The following GLDC variants were observed in gnomAD, a reference collection of about 807,000 sequenced individuals.
GLDC encodes glycine decarboxylase.
In GLDC, 104 loss-of-function variants were observed where a neutral mutation model predicts 121.3. That is an observed-to-expected ratio of 0.86 (90% CI 0.73 to 1.01). The LOEUF is 1.01. Among genes scored for constraint, GLDC ranks in the 50% least tolerant of loss-of-function variants. GLDC has a pLI of 0.00. For missense variants in GLDC, 1,429 were observed against 1,306.6 expected, an observed-to-expected ratio of 1.09 and a Z score of -1.44; for synonymous variants, 546 against 480.6, an observed-to-expected ratio of 1.14 and a Z score of -1.78.
At chr9:6,639,127 A>G in intron 2 of GLDC, 3 of 736,638 alleles carry the variant, frequency 4.1e-6, no homozygotes, top group Non-Finnish European at 7.3e-6. Context: ...ACAAAAACAG[A>G]GCTTTTTCAC....
At position 6,622,157 on chromosome 9, in the gene GLDC, C is replaced by A. The variant is rs555130682; in HGVS notation, c.335-1838G>T. ...ACTTTCACCCTCCACCACACACACA[C>A]AGACACACACACACACACACACACA... On this transcript the variant is annotated intron_variant, in intron 2 of 24. Transcript: ENST00000321612. Among the ~76,000 whole-genome samples, 297 of 112,752 alleles carry A rather than the reference C, an allele frequency of 2.6e-3. 2 individuals are homozygous for A. The highest frequency in any genetic ancestry group is 4.0e-3 in the Non-Finnish European group (228 of 57,662). The allele number at this position is 112,752 out of a possible 152,430, so 74.0% of individuals were successfully genotyped here. A position where few individuals can be genotyped will look rare whatever the true frequency, so the allele number is the denominator to read the frequency against.
At chr9:6,601,332 A>C (rs977237153) in intron 8 of GLDC, among the ~76,000 whole-genome samples, 11 of 152,166 alleles carry the variant, frequency 7.2e-5, no homozygotes, top group Admixed American at 2.0e-4. Flanking sequence ...GGGTGTCTCA[A>C]CTGCCACCCA....
intron 3 of GLDC, among the ~76,000 whole-genome samples, chr9:6,618,013 T>C (rs1188657578): frequency 2.0e-5 from 3 of 152,204 alleles, no homozygotes; most frequent in Non-Finnish European, 4.4e-5. Flanking sequence ...CCACTTACTC[T>C]GTCCTCATGT....
intron 12 of GLDC, 138 bp downstream of exon 12, chr9:6,589,057 T>A (rs1818324508): frequency 1.4e-6 from 1 of 735,930 alleles, no homozygotes; most frequent in East Asian, 2.5e-5. Flanking sequence ...GGGATCGTTA[T>A]GAGGATGAAA....
chr9:6,553,798 C>A (rs1817562981), intron 19 of GLDC, among the ~76,000 whole-genome samples: 1 of 152,030 alleles, frequency 6.6e-6, no homozygotes, highest in African/African-American at 2.4e-5. Flanking sequence ...TCCCTCCCTC[C>A]CACTCCCAGC....
At chr9:6,533,198 C>T (rs751501264) in intron 24 of GLDC, 38 bp from the exon 25 acceptor site, 45 of 1,605,860 alleles carry the variant, frequency 2.8e-5, no homozygotes, top group Middle Eastern at 1.6e-4. Flanking sequence ...GTGAGATGTT[C>T]TGGGAGGTTT....
rs532412479 is a variant in GLDC at position 6,608,965 on chromosome 9, G to A, written c.635+1227C>T. 8.5e-5 allele frequency among the ~76,000 whole-genome samples: 13 copies of A among 152,192 alleles called. No homozygotes were observed. In the East Asian group the frequency reaches 2.5e-3, roughly 29 times the overall value. ...CAGGAATCAGAAAGGCCTATGGCTGGAATGCACCAGAGGCCTCTAAACTTG... is the reference window on the plus strand; with the variant it reads ...CAGGAATCAGAAAGGCCTATGGCTGAAATGCACCAGAGGCCTCTAAACTTG... On this transcript the variant is annotated intron_variant, in intron 4 of 24. Transcript: ENST00000321612.
intron 10 of GLDC, 35 bp from the exon 11 acceptor site, chr9:6,592,258 T>A (rs369609632): frequency 7.8e-7 from 1 of 1,274,050 alleles, no homozygotes; most frequent in African/African-American, 1.5e-5. Context: ...AAACATCAAC[T>A]CTAAACTCCA....
rs184432340 is a variant in GLDC at position 6,575,753 on chromosome 9, G to T, written c.1851-10324C>A. Reference sequence around the variant, plus strand: ...TTCACTTTACATATCCATGGGAGGTGTTAATTACTCTTTCTGTCTGCCTTA... The same window carrying T: ...TTCACTTTACATATCCATGGGAGGTTTTAATTACTCTTTCTGTCTGCCTTA... On this transcript the variant is annotated intron_variant, in intron 15 of 24. Transcript: ENST00000321612. Among the ~76,000 whole-genome samples the T allele has an allele frequency of 7.8e-3, 1,187 of 152,300 alleles. 7 individuals carry two copies. The highest frequency in any genetic ancestry group is 0.012 in the Non-Finnish European group (819 of 68,024).
In GLDC at chr9:6,604,696, G is replaced by A; in HGVS notation, c.950C>T (p.Ser317Phe). The change falls in exon 7 of 25, where the codon TCC becomes TTC. Residue 317 changes from serine (S) to phenylalanine (F), a missense_variant. Ser to Phe is a radical substitution (Grantham distance 155). Coordinates refer to ENST00000321612, the MANE Select transcript of GLDC (RefSeq NM_000170.3). ...GCCCAGTGGCACTCCAAATCTCTGG[G>A]AGCTGCCCAGGGCGATGTCTACCCC... is the stretch of plus-strand genomic sequence containing the variant. Reference protein sequence around the residue: ...EFGVDIALGSSQRFGVPLGYG... With the variant: ...EFGVDIALGSFQRFGVPLGYG... 6.2e-7 allele frequency: 1 copy of A among 1,614,148 alleles called. No homozygotes were observed. Among genetic ancestry groups the A allele is most frequent in the Non-Finnish European group, 8.5e-7 (1 of 1,179,998 alleles).
At chr9:6,618,151 C>A (rs559459700) in intron 3 of GLDC, among the ~76,000 whole-genome samples, 1 of 152,278 alleles carries the variant, frequency 6.6e-6, no homozygotes, top group Admixed American at 6.5e-5. Flanking sequence ...AAAGTGGACA[C>A]CTATATTTTC....
In GLDC at chr9:6,619,146, C is replaced by CAAAAAA. The variant is rs1162280442; in HGVS notation, c.470+1032_470+1037dup. 2.5e-3 allele frequency among the ~76,000 whole-genome samples: 151 copies of CAAAAAA among 60,662 alleles called. 1 individual carries two copies. Among genetic ancestry groups the CAAAAAA allele is most frequent in the East Asian group, 3.1e-3 (7 of 2,244 alleles). The allele number at this position is 60,662 out of a possible 152,430, so 39.8% of individuals were successfully genotyped here. On this transcript the variant is annotated intron_variant, in intron 3 of 24. Coordinates refer to ENST00000321612, the MANE Select transcript of GLDC (RefSeq NM_000170.3). Reference sequence around the variant, plus strand: ...CAACAGAGTGAGACTCTGTCTCAGGCAAAAAAAAAAAAAAAAAAAAAAAAA... The same window carrying CAAAAAA: ...CAACAGAGTGAGACTCTGTCTCAGGCAAAAAAAAAAAAAAAAAAAAAAAAAAAAAAA...
chr9:6,584,306 T>A lies in GLDC; in HGVS notation c.1850+2835A>T, dbSNP rs368572325. Among the ~76,000 whole-genome samples, 212 of 152,332 alleles carry A rather than the reference T, an allele frequency of 1.4e-3. 1 individual carries two copies. The highest frequency in any genetic ancestry group is 2.2e-3 in the Non-Finnish European group (152 of 68,024). On this transcript the variant is annotated intron_variant, in intron 15 of 24. Transcript: ENST00000321612. Reference sequence around the variant, plus strand: ...TTGAGTATAACATCAGTGGCTGACATGGTATTCGAAATTCTCCCTCTGTGC... The same window carrying A: ...TTGAGTATAACATCAGTGGCTGACAAGGTATTCGAAATTCTCCCTCTGTGC...
chr9:6,633,452 T>C (rs1451846684), intron 2 of GLDC, among the ~76,000 whole-genome samples: 3 of 152,218 alleles, frequency 2.0e-5, no homozygotes, highest in African/African-American at 7.2e-5. Flanking sequence ...CTTTTCCAAA[T>C]GCATGTTCCA....
intron 4 of GLDC, among the ~76,000 whole-genome samples, chr9:6,607,478 A>G (rs1261668923): frequency 6.6e-6 from 1 of 151,840 alleles, no homozygotes; most frequent in Admixed American, 6.6e-5. Context: ...ACTACTCGGG[A>G]GGATGAGGCA....
chr9:6,614,337 C>A (rs1818926300), intron 3 of GLDC, among the ~76,000 whole-genome samples: 1 of 151,902 alleles, frequency 6.6e-6, no homozygotes, highest in South Asian at 2.1e-4. Context: ...TGGGCTCAAG[C>A]AATCCTCCCA....
intron 15 of GLDC, among the ~76,000 whole-genome samples, chr9:6,582,125 T>C (rs1385334894): frequency 7.5e-6 from 1 of 133,178 alleles, no homozygotes; most frequent in African/African-American, 2.9e-5. Context: ...CAAGGCAGGA[T>C]AATTGCTTCA....
At chr9:6,611,811 G>A (rs1187874321) in intron 3 of GLDC, among the ~76,000 whole-genome samples, 3 of 152,064 alleles carry the variant, frequency 2.0e-5, no homozygotes, top group Non-Finnish European at 4.4e-5. Context: ...TTATCAGATG[G>A]ACTAGATTGT....
At chr9:6,576,453 AATTT>A (rs1266986372) in intron 15 of GLDC, among the ~76,000 whole-genome samples, 4 of 151,830 alleles carry the variant, frequency 2.6e-5, no homozygotes, top group Admixed American at 6.6e-5. Context: ...TTGGAGTTAT[AATTT>A]ATTTTTTTCT....
Sources: allele counts gnomAD v4.1 joint callset (sites outside exome capture counted in the v4.1 genomes callset), GRCh38; gene constraint gnomAD v4.1.1; transcripts MANE v1.5; gene names NCBI Gene and HGNC (gene_info 2026-07-23, HGNC 2026-07-21).